CFAP53: variants seen among roughly 807,000 people sequenced by gnomAD.
CFAP53 encodes the protein cilia- and flagella-associated protein 53.
A neutral mutation model predicts 59.7 loss-of-function variants in CFAP53; 62 were observed. The observed-to-expected ratio is 1.04, with a 90% CI of 0.85 to 1.28. CFAP53 has a LOEUF of 1.28. CFAP53 is among the 50% of genes most tolerant of loss of function. The probability of loss-of-function intolerance (pLI) is 0.00; values close to 1 mark genes in which losing one functional copy is unlikely to be tolerated. For missense variants in CFAP53, 629 were observed against 615.6 expected (o/e 1.02, Z -0.23); for synonymous variants, 218 against 205.7 (o/e 1.06, Z -0.51).
At chr18:50,255,684 T>C (rs2144428527) in intron 3 of CFAP53, among the ~76,000 whole-genome samples, 1 of 152,252 alleles carries the variant, frequency 6.6e-6, no homozygotes, top group South Asian at 2.1e-4. Context: ...CTAAAAATGA[T>C]CTACTCCAGG....
In CFAP53 at chr18:50,250,817, G is replaced by C. The variant is rs758012332; in HGVS notation, c.937C>G (p.Leu313Val). 2 of 1,614,160 alleles carry C rather than the reference G, an allele frequency of 1.2e-6. No homozygotes were observed. The highest frequency in any genetic ancestry group is 1.3e-5 in the African/African-American group (1 of 75,048). Residue 313 changes from leucine to valine, a missense_variant, in exon 5 of 8, where the codon CTC becomes GTC. Leu to Val is a conservative substitution (Grantham distance 32, BLOSUM62 1). Coordinates refer to ENST00000398545, the MANE Select transcript of CFAP53 (RefSeq NM_145020.5). ...AAGTCTTGAAGGGCCCTTTGCACGA[G>C]CTTCATGTTCAAGTCCTGTTCGTCT... is the stretch of plus-strand genomic sequence containing the variant. ...YRDEQDLNMKLVQRALQDLQE... is the reference protein window; with the variant it reads ...YRDEQDLNMKVVQRALQDLQE...
intron 7 of CFAP53, among the ~76,000 whole-genome samples, chr18:50,235,120 T>C (rs986168402): frequency 6.6e-6 from 1 of 152,128 alleles, no homozygotes; most frequent in Non-Finnish European, 1.5e-5. Flanking sequence ...TCAGGTCAGG[T>C]AGCAAAAAAC....
At chr18:50,233,063 C>T (rs1003464179) in intron 7 of CFAP53, among the ~76,000 whole-genome samples, 1 of 152,158 alleles carries the variant, frequency 6.6e-6, no homozygotes, top group Non-Finnish European at 1.5e-5. Flanking sequence ...GGTTAACCTG[C>T]ACTATAAAGT....
At chr18:50,256,050 A>G (rs1166240119) in intron 3 of CFAP53, 1 of 152,240 alleles carries the variant, frequency 6.6e-6, no homozygotes, top group African/African-American at 2.4e-5. Flanking sequence ...TTTTCAAATT[A>G]TATTACTATA....
chr18:50,231,376 G>T (rs1385303784), intron 7 of CFAP53, among the ~76,000 whole-genome samples: 2 of 152,156 alleles, frequency 1.3e-5, no homozygotes, highest in African/African-American at 2.4e-5. Flanking sequence ...CCCACATTTT[G>T]GTAGCCTGTA....
intron 5 of CFAP53, among the ~76,000 whole-genome samples, chr18:50,250,244 G>C (rs1337785350): frequency 1.3e-5 from 2 of 150,064 alleles, no homozygotes; most frequent in African/African-American, 4.9e-5. Context: ...AAAAGAGAGA[G>C]AGAGAGAGAA....
At chr18:50,265,119 T>C (rs2144442647) in intron 1 of CFAP53, among the ~76,000 whole-genome samples, 1 of 152,288 alleles carries the variant, frequency 6.6e-6, no homozygotes, top group East Asian at 1.9e-4. Flanking sequence ...CCTTTAGTGG[T>C]TTCATTCTAC....
At position 50,261,147 on chromosome 18, in the gene CFAP53, CATCCT is replaced by C. The variant is rs763885128; in HGVS notation, c.385_389del (p.Arg129GlufsTer5). On this transcript the variant is annotated frameshift_variant, in exon 3 of 8. Coordinates refer to ENST00000398545, the MANE Select transcript of CFAP53 (RefSeq NM_145020.5). LOFTEE classifies it high-confidence loss of function. ...CTTTTAGTAATTTAGTTTTCTCTCT[CATCCT>C]ATCTTTTTTCTCCTCAATGGTTTCT... 1.3e-6 allele frequency: 2 copies of C among 1,597,436 alleles called. No homozygotes were observed. Among genetic ancestry groups the C allele is most frequent in the South Asian group, 2.3e-5 (2 of 86,142 alleles).
intron 7 of CFAP53, among the ~76,000 whole-genome samples, chr18:50,232,479 C>T (rs1235463766): frequency 6.6e-6 from 1 of 152,202 alleles, no homozygotes; most frequent in Non-Finnish European, 1.5e-5. Context: ...TACATTCCTT[C>T]AGATAACTGC....
At position 50,251,846 on chromosome 18, in the gene CFAP53, C is replaced by A. The variant is rs2033804728; in HGVS notation, c.474-62G>T. 3 of 1,378,782 alleles carry A rather than the reference C, an allele frequency of 2.2e-6. 1 individual carries two copies. In the Admixed American group the frequency reaches 5.4e-5, roughly 25 times the overall value. The allele number at this position is 1,378,782 out of a possible 1,614,324, so 85.4% of individuals were successfully genotyped here. On this transcript the variant is annotated intron_variant, in intron 3 of 7. Coordinates refer to ENST00000398545, the MANE Select transcript of CFAP53 (RefSeq NM_145020.5). Reference sequence around the variant, plus strand: ...TTCGTGAGGCACTGCTCTATTGAGGCACACATCTGTACAATCACACAATGA... The same window carrying A: ...TTCGTGAGGCACTGCTCTATTGAGGAACACATCTGTACAATCACACAATGA...
intron 1 of CFAP53, among the ~76,000 whole-genome samples, chr18:50,265,956 GATC>G (rs2033959054): frequency 6.6e-6 from 1 of 152,194 alleles, no homozygotes; most frequent in Admixed American, 6.5e-5. Context: ...CCTGCCCCCA[GATC>G]TGTCTCTGGG....
intron 6 of CFAP53, among the ~76,000 whole-genome samples, chr18:50,239,785 A>G (rs1267583139): frequency 6.6e-6 from 1 of 152,236 alleles, no homozygotes; most frequent in Non-Finnish European, 1.5e-5. Context: ...TAATTTGTGA[A>G]AGAAAATTAT....
intron 3 of CFAP53, among the ~76,000 whole-genome samples, chr18:50,254,456 A>T (rs1213483701): frequency 6.6e-6 from 1 of 152,200 alleles, no homozygotes; most frequent in South Asian, 2.1e-4. Flanking sequence ...AAAAATAAAA[A>T]CAAAACAAAA....
At position 50,266,408 on chromosome 18, in the gene CFAP53, C is replaced by T. The variant is rs576971548; in HGVS notation, c.-4G>A. ...TGCCAAACCGCTGGCTGTACATTTT[C>T]GAGTCCCCTTCGGGACGGGGGCGGC... On this transcript the variant is annotated 5_prime_UTR_variant, in exon 1 of 8. Transcript: ENST00000398545. 1.5e-4 allele frequency: 242 copies of T among 1,614,240 alleles called. No individual in the cohort carries two copies. Among genetic ancestry groups the T allele is most frequent in the Non-Finnish European group, 2.0e-4 (238 of 1,180,012 alleles).
At chr18:50,239,576 G>A (rs1199114923) in intron 6 of CFAP53, among the ~76,000 whole-genome samples, 9 of 152,130 alleles carry the variant, frequency 5.9e-5, no homozygotes, top group Admixed American at 4.6e-4. Flanking sequence ...ATGGTAATCT[G>A]GAATTCTAAA....
At chr18:50,238,886 A>C (rs2033661993) in intron 6 of CFAP53, among the ~76,000 whole-genome samples, 181 bp from the exon 7 acceptor site, 1 of 152,112 alleles carries the variant, frequency 6.6e-6, no homozygotes, top group Non-Finnish European at 1.5e-5. Flanking sequence ...TTAGGCTCAT[A>C]TATGCTACAA....
In CFAP53 at chr18:50,227,423, A is replaced by G; in HGVS notation, c.1503T>C (p.Ile501=). Reference sequence around the variant, plus strand: ...TGGGGCATGCCTTGCGCATGGGATGAATGTTTTGAGGCAGCACTTGATGGG... The same window carrying G: ...TGGGGCATGCCTTGCGCATGGGATGGATGTTTTGAGGCAGCACTTGATGGG... ...LSTHQVLPQN[I]HPMRKACPSK... The change falls in exon 8 of 8, where the codon ATT becomes ATC. Residue 501 remains isoleucine, a synonymous_variant. Coordinates refer to ENST00000398545, the MANE Select transcript of CFAP53 (RefSeq NM_145020.5). 1 of 1,614,162 alleles carries G rather than the reference A, an allele frequency of 6.2e-7. No individual in the cohort carries two copies. Among genetic ancestry groups the G allele is most frequent in the Non-Finnish European group, 8.5e-7 (1 of 1,180,006 alleles).
chr18:50,264,221 C>T (rs1318920762), intron 1 of CFAP53, among the ~76,000 whole-genome samples: 1 of 152,182 alleles, frequency 6.6e-6, no homozygotes, highest in East Asian at 1.9e-4. Context: ...AGCTCTAAAC[C>T]ATGCTAAAGT....
At chr18:50,249,773 G>A (rs8099277) in intron 5 of CFAP53, among the ~76,000 whole-genome samples, 99,620 of 151,974 alleles carry the variant, frequency 0.66, 33,272 homozygotes, top group East Asian at 0.79. Context: ...GTGATGATGA[G>A]ATGTTCAGTA....
Sources: gnomAD v4.1 joint callset for allele counts (sites outside exome capture counted in the v4.1 genomes callset) on GRCh38, gnomAD v4.1.1 for gene constraint, MANE v1.5 for transcripts, NCBI Gene and HGNC (gene_info 2026-07-23, HGNC 2026-07-21) for gene names.